ZNF365: variants seen among roughly 807,000 people sequenced by gnomAD.
ZNF365 encodes the protein zinc finger protein 365, also known as protein ZNF365.
Under a neutral mutation model 35.0 loss-of-function variants are expected in ZNF365, and 22 were observed. The ratio of observed to expected loss-of-function variants is 0.63; its 90% CI spans 0.45 to 0.90. The LOEUF (loss-of-function observed/expected upper bound fraction) is 0.90. Ranked by LOEUF, ZNF365 falls within the 40% of genes least tolerant of loss-of-function variation. The pLI is 0.00. For synonymous variants in ZNF365, 188 were observed against 196.2 expected (o/e 0.96, Z 0.35); for missense variants, 448 against 500.3 (o/e 0.90, Z 1.00).
At chr10:62,424,166 G>A (rs1490538131) in intron 3 of ZNF365, among the ~76,000 whole-genome samples, 1 of 152,172 alleles carries the variant, frequency 6.6e-6, no homozygotes, top group Non-Finnish European at 1.5e-5. Context: ...AATTTGAGAA[G>A]CCTGTGAGTG....
At chr10:62,456,544 A>T (rs147299380) in intron 3 of ZNF365, among the ~76,000 whole-genome samples, 15 of 152,330 alleles carry the variant, frequency 9.8e-5, no homozygotes, top group African/African-American at 3.4e-4. Flanking sequence ...AGCCAAATCC[A>T]TCTGATTTCA....
At chr10:62,480,036 G>T in exon 5 of ZNF365, 1 of 1,427,820 alleles carries the variant, frequency 7.0e-7, no homozygotes, top group Non-Finnish European at 9.3e-7. Flanking sequence ...AGAAACTTGG[G>T]CTACTTGGTG....
chr10:62,456,008 A>G (rs1223830036), intron 3 of ZNF365, among the ~76,000 whole-genome samples: 1 of 152,078 alleles, frequency 6.6e-6, no homozygotes, highest in Non-Finnish European at 1.5e-5. Flanking sequence ...GACTCCTGAC[A>G]CTCCACTACA....
rs1839799907 is a variant in ZNF365, at chr10:62,399,985, C to T, written c.*196C>T. On this transcript the variant is annotated 3_prime_UTR_variant, in exon 5 of 5. Coordinates refer to ENST00000395254, the MANE Select transcript of ZNF365 (RefSeq NM_014951.3). ...GTGAACCAGAATTTTATTATAACCC[C>T]CTTTTAGAAGCTTGCAAATTACAGA... 10 of 1,343,568 alleles carry T rather than the reference C, an allele frequency of 7.4e-6. No homozygotes were observed. Among genetic ancestry groups the T allele is most frequent in the Non-Finnish European group, 9.5e-6 (10 of 1,049,274 alleles). 83.2% of individuals were successfully genotyped at this position (1,343,568 alleles called of 1,614,324 possible).
intron 2 of ZNF365, among the ~76,000 whole-genome samples, chr10:62,386,515 CATT>C (rs1282925027): frequency 3.9e-5 from 6 of 152,140 alleles, no homozygotes; most frequent in Non-Finnish European, 8.8e-5. Flanking sequence ...TTGAGTGAAT[CATT>C]ATTAGAGCCA....
intron 3 of ZNF365, among the ~76,000 whole-genome samples, chr10:62,396,628 T>G (rs1839732388): frequency 6.6e-6 from 1 of 152,230 alleles, no homozygotes; most frequent in African/African-American, 2.4e-5. Flanking sequence ...CAGGGCCCAT[T>G]AGTGACATTC....
At chr10:62,470,140 G>A (rs1420219063) in intron 4 of ZNF365, among the ~76,000 whole-genome samples, 2 of 152,140 alleles carry the variant, frequency 1.3e-5, no homozygotes, top group African/African-American at 4.8e-5. Context: ...CTAGATAGAA[G>A]GATTTGAGTA....
At chr10:62,463,068 AC>A (rs1177318198) in intron 4 of ZNF365, among the ~76,000 whole-genome samples, 1 of 152,174 alleles carries the variant, frequency 6.6e-6, no homozygotes, top group Non-Finnish European at 1.5e-5. Context: ...CCTTGCCAAT[AC>A]TTTTGAGGGT....
At chr10:62,463,197 G>A (rs1022988383) in intron 4 of ZNF365, among the ~76,000 whole-genome samples, 21 of 152,326 alleles carry the variant, frequency 1.4e-4, no homozygotes, top group African/African-American at 4.3e-4. Context: ...TCAACAGCTA[G>A]AAACTGTGGG....
intron 3 of ZNF365, among the ~76,000 whole-genome samples, chr10:62,457,854 C>T (rs1264644824): frequency 6.6e-6 from 1 of 152,186 alleles, no homozygotes; most frequent in Non-Finnish European, 1.5e-5. Context: ...TGGGATGTGT[C>T]AACCACAAGC....
downstream of ZNF365, among the ~76,000 whole-genome samples, chr10:62,405,415 G>A (rs74156195): frequency 0.028 from 4,313 of 152,186 alleles, 80 homozygotes; most frequent in African/African-American, 0.061. Flanking sequence ...GCCCAGGAAC[G>A]CCTCTGTGAC....
At chr10:62,428,649 T>C (rs1840286829) in intron 3 of ZNF365, among the ~76,000 whole-genome samples, 1 of 152,154 alleles carries the variant, frequency 6.6e-6, no homozygotes, top group Admixed American at 6.5e-5. Flanking sequence ...TACAGGTCCA[T>C]AGAGGAGCTC....
At chr10:62,478,471 A>G (rs1460408347) in intron 4 of ZNF365, among the ~76,000 whole-genome samples, 1 of 152,224 alleles carries the variant, frequency 6.6e-6, no homozygotes, top group East Asian at 1.9e-4. Flanking sequence ...CTACATCTCA[A>G]GAAAGAATTA....
intron 2 of ZNF365, among the ~76,000 whole-genome samples, chr10:62,387,976 G>C (rs1405730524): frequency 4.6e-5 from 7 of 152,148 alleles, no homozygotes; most frequent in Non-Finnish European, 1.0e-4. Context: ...CCCCCTTGCT[G>C]TACCTCAGAC....
chr10:62,470,706 A>G (rs1044433196), intron 4 of ZNF365, among the ~76,000 whole-genome samples: 1 of 152,164 alleles, frequency 6.6e-6, no homozygotes, highest in Non-Finnish European at 1.5e-5. Flanking sequence ...AATGTATTTC[A>G]TTTTGTATTT....
At chr10:62,431,002 G>A (rs1840326125) in intron 3 of ZNF365, among the ~76,000 whole-genome samples, 1 of 152,188 alleles carries the variant, frequency 6.6e-6, no homozygotes, top group South Asian at 2.1e-4. Context: ...TATAATTATA[G>A]TGTTTCCCTT....
At chr10:62,387,503 A>G (rs10995139) in intron 2 of ZNF365, among the ~76,000 whole-genome samples, 1 of 151,982 alleles carries the variant, frequency 6.6e-6, no homozygotes, top group Non-Finnish European at 1.5e-5. Context: ...AAATGAAAGC[A>G]AAATATAAGA....
At chr10:62,447,028 A>G (rs941493087) in intron 3 of ZNF365, among the ~76,000 whole-genome samples, 3 of 152,212 alleles carry the variant, frequency 2.0e-5, no homozygotes, top group African/African-American at 7.2e-5. Flanking sequence ...ATTAAAAACT[A>G]TGCAAATGTG....
intron 4 of ZNF365, among the ~76,000 whole-genome samples, chr10:62,474,570 T>A (rs981953591): frequency 6.6e-6 from 1 of 152,168 alleles, no homozygotes; most frequent in Admixed American, 6.5e-5. Flanking sequence ...CCATTCAATC[T>A]TCTTTACCCA....
Sources: allele counts gnomAD v4.1 joint callset (sites outside exome capture counted in the v4.1 genomes callset), GRCh38; gene constraint gnomAD v4.1.1; transcripts MANE v1.5; gene names NCBI Gene and HGNC (gene_info 2026-07-23, HGNC 2026-07-21).